The following SPOCK1 variants were observed in gnomAD, a reference collection of about 807,000 sequenced individuals.
SPOCK1 encodes SPARC (osteonectin), cwcv and kazal like domains proteoglycan 1, also known as testican-1.
Under a neutral mutation model 55.3 loss-of-function variants are expected in SPOCK1, and 23 were observed. That is an observed-to-expected ratio of 0.42 (90% confidence interval 0.30 to 0.59). The LOEUF (loss-of-function observed/expected upper bound fraction) is 0.59. Among genes scored for constraint, SPOCK1 ranks in the 20% least tolerant of loss-of-function variants. The pLI, the probability that SPOCK1 is intolerant of heterozygous loss-of-function variation, is 0.22. For missense variants in SPOCK1, 499 were observed against 552.5 expected (o/e 0.90, Z 0.97); for synonymous variants, 226 against 221.0 (o/e 1.02, Z -0.20).
intron 3 of SPOCK1, among the ~76,000 whole-genome samples, chr5:137,206,744 A>G (rs1454222101): frequency 6.6e-6 from 1 of 152,252 alleles, no homozygotes; most frequent in African/African-American, 2.4e-5. Flanking sequence ...AAATATCATC[A>G]TAGCTGACAT....
chr5:137,383,764 A>G lies in SPOCK1; in HGVS notation c.186+114609T>C, dbSNP rs1299503798. On this transcript the variant is annotated intron_variant, in intron 2 of 10. Coordinates refer to ENST00000394945, the MANE Select transcript of SPOCK1 (RefSeq NM_004598.4). Reference sequence around the variant, plus strand: ...CCATCCTTGCATTGACAGTCTTTCCACAGCTGCAGCTCTCAGGACACACTT... The same window carrying G: ...CCATCCTTGCATTGACAGTCTTTCCGCAGCTGCAGCTCTCAGGACACACTT... Among the ~76,000 whole-genome samples, 3 of 152,232 alleles carry G rather than the reference A, an allele frequency of 2.0e-5. No individual in the cohort carries two copies. The East Asian group carries it at 5.8e-4, about 29-fold the overall frequency.
intron 6 of SPOCK1, among the ~76,000 whole-genome samples, chr5:137,046,346 G>A (rs1022056710): frequency 3.6e-4 from 52 of 145,404 alleles, no homozygotes; most frequent in African/African-American, 1.3e-3. Flanking sequence ...AGTTCTCCTT[G>A]AAGAGGTCCT....
chr5:137,422,769 C>T (rs934089065), intron 2 of SPOCK1, among the ~76,000 whole-genome samples: 1 of 152,220 alleles, frequency 6.6e-6, no homozygotes, highest in East Asian at 1.9e-4. Flanking sequence ...TCGTCTGAAG[C>T]CTTCTTCTCT....
At chr5:137,294,447 A>G (rs749718087) in intron 2 of SPOCK1, among the ~76,000 whole-genome samples, 2 of 152,206 alleles carry the variant, frequency 1.3e-5, no homozygotes, top group Non-Finnish European at 2.9e-5. Flanking sequence ...TGGCCAGGAC[A>G]CAGTCAAGAG....
intron 2 of SPOCK1, among the ~76,000 whole-genome samples, chr5:137,406,496 T>C (rs576879787): frequency 4.1e-4 from 63 of 152,352 alleles, no homozygotes; most frequent in South Asian, 8.3e-4. Context: ...TCCCGAGCAC[T>C]GGATGCCAAA....
intron 2 of SPOCK1, among the ~76,000 whole-genome samples, chr5:137,412,381 AC>A (rs1752224709): frequency 6.6e-6 from 1 of 152,198 alleles, no homozygotes; most frequent in Non-Finnish European, 1.5e-5. Flanking sequence ...CTTCCCTTCT[AC>A]AGCTGACAGG....
chr5:137,299,140 T>C (rs1757541320), intron 2 of SPOCK1, among the ~76,000 whole-genome samples: 1 of 152,264 alleles, frequency 6.6e-6, no homozygotes, highest in East Asian at 1.9e-4. Flanking sequence ...CATCTTTTAC[T>C]ATTTTTAGTA....
chr5:137,187,069 C>T (rs1755082883), intron 3 of SPOCK1, among the ~76,000 whole-genome samples: 2 of 152,190 alleles, frequency 1.3e-5, no homozygotes, highest in Non-Finnish European at 2.9e-5. Context: ...AAACTCTCAT[C>T]CCTCTTGTTA....
At chr5:137,279,057 A>T (rs2127124052) in intron 2 of SPOCK1, among the ~76,000 whole-genome samples, 1 of 152,184 alleles carries the variant, frequency 6.6e-6, no homozygotes, top group East Asian at 1.9e-4. Flanking sequence ...TGGAGATCAA[A>T]GGCTCTAGGA....
intron 3 of SPOCK1, among the ~76,000 whole-genome samples, chr5:137,143,412 G>A (rs1475667141): frequency 5.9e-5 from 9 of 152,122 alleles, no homozygotes; most frequent in South Asian, 4.1e-4. Context: ...GAGCAGATCC[G>A]GGAACAGCAC....
intron 2 of SPOCK1, among the ~76,000 whole-genome samples, chr5:137,368,603 A>G (rs1047741713): frequency 2.0e-5 from 3 of 152,170 alleles, no homozygotes; most frequent in African/African-American, 4.8e-5. Context: ...GCTTCAAGGC[A>G]TCTTCAGATT....
intron 3 of SPOCK1, among the ~76,000 whole-genome samples, chr5:137,219,769 TGGCCCTGGCTGGGCCCCTAG>T (rs1281780879): frequency 6.6e-6 from 1 of 152,214 alleles, no homozygotes; most frequent in Admixed American, 6.5e-5. Flanking sequence ...GCTGAGGTCT[TGGCCCTGGCTGGGCCCCTAG>T]TCTACTTCAC....
chr5:137,191,155 C>T (rs187302395), intron 3 of SPOCK1, among the ~76,000 whole-genome samples: 7 of 152,340 alleles, frequency 4.6e-5, no homozygotes, highest in Admixed American at 4.6e-4. Context: ...AAGATTCTAA[C>T]TCTTCTTGGC....
chr5:137,103,814 T>C (rs186017994), intron 5 of SPOCK1, among the ~76,000 whole-genome samples: 2 of 152,344 alleles, frequency 1.3e-5, no homozygotes, highest in African/African-American at 4.8e-5. Context: ...TGAACTCTAT[T>C]TAAACTAATA....
chr5:137,277,928 A>G (rs571181361), intron 2 of SPOCK1, among the ~76,000 whole-genome samples: 1 of 152,248 alleles, frequency 6.6e-6, no homozygotes, highest in South Asian at 2.1e-4. Context: ...CTGAGCACTC[A>G]CACCTGTTTA....
At chr5:137,239,091 T>C (rs1561480980) in intron 3 of SPOCK1, among the ~76,000 whole-genome samples, 1 of 152,208 alleles carries the variant, frequency 6.6e-6, no homozygotes, top group Non-Finnish European at 1.5e-5. Context: ...GATTAAAAGA[T>C]TTTAACTTGC....
At chr5:137,298,951 G>T (rs1187559575) in intron 2 of SPOCK1, among the ~76,000 whole-genome samples, 6 of 152,056 alleles carry the variant, frequency 3.9e-5, no homozygotes, top group Non-Finnish European at 7.4e-5. Context: ...GACAATTTCT[G>T]ATTTTTACAT....
chr5:137,007,698 A>T (rs183287406), intron 6 of SPOCK1, among the ~76,000 whole-genome samples: 1 of 152,302 alleles, frequency 6.6e-6, no homozygotes, highest in Non-Finnish European at 1.5e-5. Flanking sequence ...GTGGGAGTGT[A>T]AATTAATTCA....
intron 5 of SPOCK1, among the ~76,000 whole-genome samples, chr5:137,104,693 T>C (rs1753331940): frequency 6.6e-6 from 1 of 152,176 alleles, no homozygotes; most frequent in Non-Finnish European, 1.5e-5. Context: ...GGGATCTAGG[T>C]TGCATGCTCT....
Sources: gnomAD v4.1 joint callset for allele counts (sites outside exome capture counted in the v4.1 genomes callset) on GRCh38, gnomAD v4.1.1 for gene constraint, MANE v1.5 for transcripts, NCBI Gene and HGNC (gene_info 2026-07-23, HGNC 2026-07-21) for gene names.